The following PODXL variants were observed in gnomAD, a reference collection of about 807,000 sequenced individuals.
The protein encoded by PODXL is podocalyxin like.
A neutral mutation model predicts 48.9 loss-of-function variants in PODXL; 20 were observed. That is an observed-to-expected ratio of 0.41 (90% confidence interval 0.29 to 0.59). The LOEUF (loss-of-function observed/expected upper bound fraction) is 0.59, where lower values mean the gene tolerates loss of function less well. PODXL is among the 20% of genes least tolerant of loss of function. The probability of loss-of-function intolerance (pLI) is 0.31; values close to 1 mark genes in which losing one functional copy is unlikely to be tolerated. For missense variants in PODXL, 606 were observed against 675.1 expected (o/e 0.90, Z 1.13); for synonymous variants, 295 against 287.4 (o/e 1.03, Z -0.27).
At chr7:131,534,337 C>A (rs561466494) in intron 1 of PODXL, among the ~76,000 whole-genome samples, 1 of 152,260 alleles carries the variant, frequency 6.6e-6, no homozygotes, top group Non-Finnish European at 1.5e-5. Context: ...GACCCCAACT[C>A]CAGGAAGTGT....
At chr7:131,521,395 G>A (rs1798090713) in intron 1 of PODXL, among the ~76,000 whole-genome samples, 1 of 151,028 alleles carries the variant, frequency 6.6e-6, no homozygotes. Flanking sequence ...GTGCAGTGGT[G>A]TGATTTCAGC....
At chr7:131,522,190 C>A (rs866354777) in intron 1 of PODXL, among the ~76,000 whole-genome samples, 2 of 152,180 alleles carry the variant, frequency 1.3e-5, no homozygotes, top group African/African-American at 4.8e-5. Context: ...GTGGCTCACG[C>A]CTGTAATCCC....
chr7:131,512,171 G>A (rs1287987366), intron 1 of PODXL, among the ~76,000 whole-genome samples: 4 of 152,170 alleles, frequency 2.6e-5, no homozygotes, highest in South Asian at 2.1e-4. Context: ...CCGAGTGCCC[G>A]GACTGCATGC....
chr7:131,506,764 G>A (rs1022548782), intron 5 of PODXL, 38 bp from the exon 6 acceptor site: 13 of 1,605,752 alleles, frequency 8.1e-6, no homozygotes, highest in Admixed American at 1.7e-5. Flanking sequence ...CGCGGGGAGC[G>A]TGACAGCAGC....
intron 1 of PODXL, among the ~76,000 whole-genome samples, chr7:131,514,200 C>T (rs1391193557): frequency 6.6e-6 from 1 of 152,152 alleles, no homozygotes; most frequent in Non-Finnish European, 1.5e-5. Context: ...GGTGGATCAC[C>T]TGAGGTCACC....
Position 131,556,361 on chromosome 7 carries a change from G to A in PODXL, c.-2C>T. 1 of 1,421,682 alleles carries A rather than the reference G, an allele frequency of 7.0e-7. No homozygotes were observed. Among genetic ancestry groups the A allele is most frequent in the Non-Finnish European group, 9.2e-7 (1 of 1,088,260 alleles). The allele number at this position is 1,421,682 out of a possible 1,614,324, so 88.1% of individuals were successfully genotyped here. A position where few individuals can be genotyped will look rare whatever the true frequency, so the allele number is the denominator to read the frequency against. ...CGAGAGCGCCAGCGCGCAGCGCATCGTGTCGTCGCCTCTGGGCCGGGAGCA... is the reference window on the plus strand; with the variant it reads ...CGAGAGCGCCAGCGCGCAGCGCATCATGTCGTCGCCTCTGGGCCGGGAGCA... On this transcript the variant is annotated 5_prime_UTR_variant, in exon 1 of 9. In the 5' UTR this introduces an upstream ATG that the reference lacks. Transcript: ENST00000378555.
chr7:131,514,158 C>T (rs1490492392), intron 1 of PODXL, among the ~76,000 whole-genome samples: 1 of 152,202 alleles, frequency 6.6e-6, no homozygotes, highest in African/African-American at 2.4e-5. Flanking sequence ...TGGCTCATGC[C>T]TGTAATCCCA....
chr7:131,529,554 A>G (rs1039183678), intron 1 of PODXL, among the ~76,000 whole-genome samples: 1 of 151,974 alleles, frequency 6.6e-6, no homozygotes, highest in East Asian at 1.9e-4. Flanking sequence ...GGACACCAGT[A>G]TCGACCTCTC....
chr7:131,553,310 C>T (rs1798695159), intron 1 of PODXL, among the ~76,000 whole-genome samples: 1 of 152,176 alleles, frequency 6.6e-6, no homozygotes, highest in Admixed American at 6.5e-5. Flanking sequence ...GACCTCCAGA[C>T]CACCCCTTCC....
In PODXL at chr7:131,511,214, A is replaced by T; in HGVS notation, c.320T>A (p.Val107Glu). 6.2e-7 allele frequency: 1 copy of T among 1,613,864 alleles called. No homozygotes were observed. Among genetic ancestry groups the T allele is most frequent in the Non-Finnish European group, 8.5e-7 (1 of 1,179,950 alleles). Residue 107 changes from valine (V) to glutamate (E), a missense_variant, in exon 2 of 9, where the codon GTG becomes GAG. By Grantham distance (121) the Val-to-Glu change is moderately radical. Coordinates refer to ENST00000378555, the MANE Select transcript of PODXL (RefSeq NM_001018111.3). The part of the protein sequence containing the change: ...QQVSGPVNTT[V>E]ARGGGSGNPT... ...GTTGCCTGAGCCGCCTCCTCTAGCC[A>T]CGGTAGTGTTGACTGGGCCTGAGAC... is the stretch of plus-strand genomic sequence containing the variant.
chr7:131,541,541 C>G (rs1023147945), intron 1 of PODXL, among the ~76,000 whole-genome samples: 3 of 151,998 alleles, frequency 2.0e-5, no homozygotes, highest in Non-Finnish European at 2.9e-5. Context: ...CAAAAATTAG[C>G]CGGGCTTGGT....
chr7:131,504,066 T>A lies in PODXL; in HGVS notation c.*245A>T. 1 of 554,504 alleles carries A rather than the reference T, an allele frequency of 1.8e-6. No individual in the cohort carries two copies. The highest frequency in any genetic ancestry group is 3.2e-6 in the Non-Finnish European group (1 of 310,230). 34.3% of individuals were successfully genotyped at this position (554,504 alleles called of 1,614,324 possible). On this transcript the variant is annotated 3_prime_UTR_variant, in exon 9 of 9. Coordinates refer to ENST00000378555, the MANE Select transcript of PODXL (RefSeq NM_001018111.3). The stretch of plus-strand genomic sequence containing the variant: ...TAAAGTCCCTTACGTGGCTTTTTCT[T>A]GATCTCCCTCATCATCCAGCAGCAC...
chr7:131,523,678 C>CA lies in PODXL; in HGVS notation c.101-12246dup, dbSNP rs753654977. ...TGGGCAACAGAGCGAGAATCCGTCT[C>CA]AAAAAAAAAAAAAAAAAAAAAAAAC... On this transcript the variant is annotated intron_variant, in intron 1 of 8. Transcript: ENST00000378555. 5.6e-3 allele frequency among the ~76,000 whole-genome samples: 345 copies of CA among 61,864 alleles called. 21 individuals carry two copies. The highest frequency in any genetic ancestry group is 0.023 in the African/African-American group (253 of 11,204). 40.6% of individuals were successfully genotyped at this position (61,864 alleles called of 152,430 possible).
At chr7:131,516,452 T>C (rs1797997250) in intron 1 of PODXL, among the ~76,000 whole-genome samples, 1 of 152,042 alleles carries the variant, frequency 6.6e-6, no homozygotes, top group African/African-American at 2.4e-5. Context: ...GGCAGGAGAA[T>C]TGCTTGAACC....
chr7:131,530,679 G>A (rs970523283), intron 1 of PODXL, among the ~76,000 whole-genome samples: 2 of 150,638 alleles, frequency 1.3e-5, no homozygotes, highest in African/African-American at 2.4e-5. Context: ...AGTGAGCTAC[G>A]AGCTATCACT....
At chr7:131,524,528 T>C (rs1798149920) in intron 1 of PODXL, among the ~76,000 whole-genome samples, 1 of 152,174 alleles carries the variant, frequency 6.6e-6, no homozygotes, top group Admixed American at 6.6e-5. Flanking sequence ...ATGCTCCTCA[T>C]TAGTCATTAG....
chr7:131,545,571 C>T lies in PODXL; in HGVS notation c.100+10689G>A, dbSNP rs925184655. On this transcript the variant is annotated intron_variant, in intron 1 of 8. Transcript: ENST00000378555. ...TGTTTCACAAGATGTTAAACACTCTCGTTCTACTAAAGAGAGGAAGCTGTT... is the reference window on the plus strand; with the variant it reads ...TGTTTCACAAGATGTTAAACACTCTTGTTCTACTAAAGAGAGGAAGCTGTT... 5.3e-5 allele frequency among the ~76,000 whole-genome samples: 8 copies of T among 152,098 alleles called. No homozygotes were observed. The South Asian group carries it at 6.2e-4, about 12-fold the overall frequency.
intron 1 of PODXL, among the ~76,000 whole-genome samples, chr7:131,542,462 C>T (rs996196113): frequency 2.6e-5 from 4 of 152,140 alleles, no homozygotes; most frequent in Admixed American, 6.5e-5. Flanking sequence ...TCAAGACCAG[C>T]CTGGGCAATA....
chr7:131,527,931 T>C (rs948516041), intron 1 of PODXL, among the ~76,000 whole-genome samples: 10 of 124,860 alleles, frequency 8.0e-5, no homozygotes, highest in Non-Finnish European at 1.3e-4. Flanking sequence ...TGAGAGGGAG[T>C]CTTGCTCGGT....
Sources: gnomAD v4.1 joint callset for allele counts (sites outside exome capture counted in the v4.1 genomes callset) on GRCh38, gnomAD v4.1.1 for gene constraint, MANE v1.5 for transcripts, NCBI Gene and HGNC (gene_info 2026-07-23, HGNC 2026-07-21) for gene names.